Variants in GULP1 observed in about 807,000 individuals in gnomAD.
GULP1 encodes PTB domain-containing engulfment adapter protein 1.
In GULP1, 19 loss-of-function variants were observed where a neutral mutation model predicts 40.9. That is an observed-to-expected ratio of 0.46 (90% CI 0.32 to 0.68). The LOEUF (loss-of-function observed/expected upper bound fraction) is 0.68. Ranked by LOEUF, GULP1 falls within the 30% of genes least tolerant of loss-of-function variation. GULP1 has a pLI of 0.03. For synonymous variants in GULP1, 119 were observed against 117.6 expected (o/e 1.01, Z -0.08); for missense variants, 312 against 362.2 (o/e 0.86, Z 1.12).
chr2:188,554,763 T>C (rs1283206238), intron 7 of GULP1, among the ~76,000 whole-genome samples: 4 of 152,086 alleles, frequency 2.6e-5, no homozygotes, highest in Non-Finnish European at 4.4e-5. Flanking sequence ...TATTATTGTA[T>C]TGCAGTCTAT....
intron 1 of GULP1, among the ~76,000 whole-genome samples, chr2:188,380,613 G>A (rs1304652016): frequency 6.6e-6 from 1 of 152,078 alleles, no homozygotes; most frequent in Non-Finnish European, 1.5e-5. Flanking sequence ...GAATTTAGGA[G>A]CTTATAGAGG....
At chr2:188,366,068 TCAGGTTA>T (rs1183957800) in intron 1 of GULP1, among the ~76,000 whole-genome samples, 1 of 152,050 alleles carries the variant, frequency 6.6e-6, no homozygotes, top group Non-Finnish European at 1.5e-5. Context: ...GGGGCATCCC[TCAGGTTA>T]TCCAACTTTC....
intron 2 of GULP1, among the ~76,000 whole-genome samples, chr2:188,447,888 T>C (rs1013956065): frequency 6.6e-6 from 1 of 152,228 alleles, no homozygotes; most frequent in Non-Finnish European, 1.5e-5. Flanking sequence ...TTGATCACTG[T>C]ACGTTTTTTG....
At chr2:188,302,671 A>G (rs2036343270) in intron 1 of GULP1, among the ~76,000 whole-genome samples, 1 of 152,210 alleles carries the variant, frequency 6.6e-6, no homozygotes, top group Non-Finnish European at 1.5e-5. Flanking sequence ...AATCCTGGTC[A>G]GGCTCTTGTG....
Position 188,334,668 on chromosome 2 carries a change from C to T in GULP1, c.-172+42502C>T, listed in dbSNP as rs542827751. The stretch of plus-strand genomic sequence containing the variant: ...TAGAAATCCAGAGTATTAGGACTGT[C>T]CATGACCGACTATATCAAAATCCAA... On this transcript the variant is annotated intron_variant, in intron 1 of 11. Coordinates refer to ENST00000409830, the MANE Select transcript of GULP1 (RefSeq NM_016315.4). Among the ~76,000 whole-genome samples, 4 of 152,308 alleles carry T rather than the reference C, an allele frequency of 2.6e-5. No homozygotes were observed. In the South Asian group the frequency reaches 8.3e-4, roughly 32 times the overall value.
At chr2:188,569,523 G>GT (rs199618262) in intron 8 of GULP1, 168 bp downstream of exon 8, 44,949 of 418,660 alleles carry the variant, frequency 0.11, 27 homozygotes, top group East Asian at 0.14. Context: ...CCCCTGCACA[G>GT]TTTTTTTTTT....
chr2:188,561,670 G>T (rs1696317816), intron 7 of GULP1, among the ~76,000 whole-genome samples: 1 of 152,150 alleles, frequency 6.6e-6, no homozygotes, highest in Non-Finnish European at 1.5e-5. Flanking sequence ...GCAATTCTCA[G>T]GTCCCTGGCA....
chr2:188,497,405 A>G (rs931826784), intron 4 of GULP1, among the ~76,000 whole-genome samples: 4 of 152,008 alleles, frequency 2.6e-5, no homozygotes, highest in Non-Finnish European at 5.9e-5. Context: ...GTGTGTTTCT[A>G]TGACCACCAA....
At chr2:188,341,202 G>C (rs980301275) in intron 1 of GULP1, among the ~76,000 whole-genome samples, 19 of 152,110 alleles carry the variant, frequency 1.2e-4, no homozygotes, top group Admixed American at 1.2e-3. Context: ...TTGGCTTCCG[G>C]GGAGACCTCA....
At chr2:188,547,081 GGT>G (rs1692158773) in intron 7 of GULP1, among the ~76,000 whole-genome samples, 1 of 151,866 alleles carries the variant, frequency 6.6e-6, no homozygotes, top group Non-Finnish European at 1.5e-5. Flanking sequence ...TAAATCTCCA[GGT>G]GTAGATGGTT....
At chr2:188,480,016 T>A (rs566786647) in intron 3 of GULP1, among the ~76,000 whole-genome samples, 12 of 152,256 alleles carry the variant, frequency 7.9e-5, no homozygotes, top group Non-Finnish European at 1.3e-4. Context: ...TACTCCAACC[T>A]GAAGTTAAAA....
chr2:188,330,581 A>G (rs2041429085), intron 1 of GULP1, among the ~76,000 whole-genome samples: 1 of 152,184 alleles, frequency 6.6e-6, no homozygotes, highest in Admixed American at 6.5e-5. Context: ...AAAAAAATTT[A>G]AACACTTGGG....
intron 2 of GULP1, among the ~76,000 whole-genome samples, chr2:188,386,828 T>C (rs2049826831): frequency 6.6e-6 from 1 of 152,194 alleles, no homozygotes; most frequent in Non-Finnish European, 1.5e-5. Flanking sequence ...CCAGTTTAAG[T>C]TGAAAAAAAT....
intron 6 of GULP1, among the ~76,000 whole-genome samples, chr2:188,530,243 A>G (rs1197403476): frequency 6.6e-6 from 1 of 152,118 alleles, no homozygotes; most frequent in Non-Finnish European, 1.5e-5. Flanking sequence ...TAGCACTCCA[A>G]CCACAGTCTC....
At position 188,584,445 on chromosome 2, in the gene GULP1, A is replaced by G. The variant is rs770130791; in HGVS notation, c.748+42A>G. 6 of 1,218,912 alleles carry G rather than the reference A, an allele frequency of 4.9e-6. 1 individual carries two copies. The highest frequency in any genetic ancestry group is 1.7e-5 in the South Asian group (1 of 60,464). The allele number at this position is 1,218,912 out of a possible 1,614,324, so 75.5% of individuals were successfully genotyped here. ...AATCAAAGTTTCTTGTTATAGTTGC[A>G]TACATTTTAAATATATAATTAAGAC... On this transcript the variant is annotated intron_variant, in intron 10 of 11. Coordinates refer to ENST00000409830, the MANE Select transcript of GULP1 (RefSeq NM_016315.4).
intron 1 of GULP1, among the ~76,000 whole-genome samples, chr2:188,311,145 A>G (rs918199792): frequency 2.0e-5 from 3 of 152,142 alleles, no homozygotes; most frequent in Non-Finnish European, 4.4e-5. Flanking sequence ...AACTCAAGGA[A>G]TTATGCCCAA....
At chr2:188,356,546 C>T (rs978383575) in intron 1 of GULP1, among the ~76,000 whole-genome samples, 3 of 151,962 alleles carry the variant, frequency 2.0e-5, no homozygotes, top group Non-Finnish European at 4.4e-5. Flanking sequence ...GACACACACA[C>T]ACAAATGGAA....
At chr2:188,319,755 T>C (rs2039689135) in intron 1 of GULP1, among the ~76,000 whole-genome samples, 1 of 152,210 alleles carries the variant, frequency 6.6e-6, no homozygotes, top group Non-Finnish European at 1.5e-5. Flanking sequence ...GCATTTCTCA[T>C]ATTAGCCATA....
At chr2:188,410,085 A>C (rs762851346) in intron 2 of GULP1, among the ~76,000 whole-genome samples, 1 of 152,206 alleles carries the variant, frequency 6.6e-6, no homozygotes, top group Non-Finnish European at 1.5e-5. Context: ...CCAAGAACAC[A>C]CAGTGGAGAA....
Sources: gnomAD v4.1 joint callset for allele counts (sites outside exome capture counted in the v4.1 genomes callset) on GRCh38, gnomAD v4.1.1 for gene constraint, MANE v1.5 for transcripts, NCBI Gene and HGNC (gene_info 2026-07-23, HGNC 2026-07-21) for gene names.